The following PLK2 variants were observed in gnomAD, a reference collection of about 807,000 sequenced individuals.
PLK2 encodes polo like kinase 2, also known as serine/threonine-protein kinase PLK2.
A neutral mutation model predicts 78.1 loss-of-function variants in PLK2; 25 were observed. The ratio of observed to expected loss-of-function variants is 0.32; its 90% confidence interval spans 0.23 to 0.45. The LOEUF (loss-of-function observed/expected upper bound fraction) is 0.45, where lower values mean the gene tolerates loss of function less well. PLK2 is among the 20% of genes least tolerant of loss of function. The pLI is 1.00. For missense variants in PLK2, 566 were observed against 840.2 expected, an observed-to-expected ratio of 0.67 and a Z score of 4.04; for synonymous variants, 332 against 298.2, an observed-to-expected ratio of 1.11 and a Z score of -1.17.
chr5:58,455,587 C>T lies in PLK2; in HGVS notation c.1577G>A (p.Gly526Asp). ...GTGAGCACCATTGTTGAAAAGGACACCGACGGTGTGGTCTGAGAGCTGGTA... is the reference window on the plus strand; with the variant it reads ...GTGAGCACCATTGTTGAAAAGGACATCGACGGTGTGGTCTGAGAGCTGGTA... The part of the protein sequence containing the change: ...FGYQLSDHTV[G>D]VLFNNGAHMS... Residue 526 changes from glycine (G) to aspartate (D), a missense_variant, in exon 11 of 14, where the codon GGT becomes GAT. By Grantham distance (94) the Gly-to-Asp change is moderately conservative. Around this residue, in one of 5 missense-constraint regions of PLK2, gnomAD observed 130 missense variants for 196.4 expected, o/e 0.66. Coordinates refer to ENST00000274289, the MANE Select transcript of PLK2 (RefSeq NM_006622.4). The T allele has an allele frequency of 6.2e-7, 1 of 1,614,032 alleles. No homozygotes were observed. The highest frequency in any genetic ancestry group is 8.5e-7 in the Non-Finnish European group (1 of 1,179,942).
At chr5:58,456,184 G>T in intron 9 of PLK2, 29 bp from the exon 10 acceptor site, 1 of 1,595,904 alleles carries the variant, frequency 6.3e-7, no homozygotes, top group Non-Finnish European at 8.5e-7. Flanking sequence ...TATGCAATGA[G>T]TCAAGCATCT....
chr5:58,457,128 C>T (rs1410525439), intron 7 of PLK2, 36 bp from the exon 8 acceptor site: 1 of 1,610,900 alleles, frequency 6.2e-7, no homozygotes, highest in Admixed American at 1.7e-5. Context: ...AGTAACCTGT[C>T]AGGTAACTGG....
intron 5 of PLK2, 120 bp downstream of exon 5, chr5:58,457,959 TTTAAA>T (rs1185217886): frequency 1.2e-5 from 9 of 736,134 alleles, no homozygotes; most frequent in Admixed American, 2.1e-5. Flanking sequence ...TAAGTATTTC[TTTAAA>T]TTAACATTGC....
chr5:58,456,054 A>G lies in PLK2; in HGVS notation c.1356T>C (p.Thr452=). The part of the protein sequence containing the change: ...GDAIRMIVRG[T]LGSCSSSSEC... ...CACTGCTGCTGCTACAGCTGCCAAGAGTCCCTCTGACTATCATCCGAATAG... is the reference window on the plus strand; with the variant it reads ...CACTGCTGCTGCTACAGCTGCCAAGGGTCCCTCTGACTATCATCCGAATAG... The change falls in exon 10 of 14, where the codon ACT becomes ACC. Residue 452 remains threonine (T), a synonymous_variant. Coordinates refer to ENST00000274289, the MANE Select transcript of PLK2 (RefSeq NM_006622.4). 6.2e-7 allele frequency: 1 copy of G among 1,613,634 alleles called. No homozygotes were observed. The highest frequency in any genetic ancestry group is 8.5e-7 in the Non-Finnish European group (1 of 1,179,870).
At chr5:58,457,145 T>A (rs1476101067) in intron 7 of PLK2, 36 bp downstream of exon 7, 3 of 1,610,854 alleles carry the variant, frequency 1.9e-6, no homozygotes, top group Non-Finnish European at 2.5e-6. Context: ...CTGGGATCAA[T>A]ACCAGGTAAT....
intron 1 of PLK2, chr5:58,459,293 AAC>A (rs1743692756): frequency 1.2e-5 from 7 of 593,042 alleles, no homozygotes; most frequent in Non-Finnish European, 2.1e-5. Context: ...AGCAAGTTCA[AAC>A]AGTTTCTCTT....
rs745990568 is a variant in PLK2 at position 58,456,566 on chromosome 5, C to T, written c.1180G>A (p.Asp394Asn). The change falls in exon 9 of 14, where the codon GAC (aspartate) becomes AAC (asparagine). Residue 394 changes from aspartate to asparagine, a missense_variant. Asp to Asn is a conservative substitution (Grantham distance 23, BLOSUM62 1). Around this residue, in one of 5 missense-constraint regions of PLK2, gnomAD observed 129 missense variants for 156.0 expected, o/e 0.83. Transcript: ENST00000274289. Reference sequence around the variant, plus strand: ...AAATCATGCCTAAGCTTGTAGATGTCTTCATCTTCTTTAGACACTCTATCT... The same window carrying T: ...AAATCATGCCTAAGCTTGTAGATGTTTTCATCTTCTTTAGACACTCTATCT... Reference protein sequence around the residue: ...THNRVSKEDEDIYKLRHDLKK... With the variant: ...THNRVSKEDENIYKLRHDLKK... 1 of 1,600,658 alleles carries T rather than the reference C, an allele frequency of 6.2e-7. No individual in the cohort carries two copies.
intron 5 of PLK2, 61 bp from the exon 6 acceptor site, chr5:58,457,644 C>A: frequency 1.1e-6 from 1 of 897,798 alleles, no homozygotes; most frequent in South Asian, 1.4e-5. Context: ...ACTTGGTTCT[C>A]TTGACATGAC....
chr5:58,459,240 T>C, intron 1 of PLK2, 148 bp from the exon 2 acceptor site: 1 of 616,370 alleles, frequency 1.6e-6, no homozygotes, highest in Non-Finnish European at 2.9e-6. Flanking sequence ...GGCATTCGAC[T>C]TCGTTAAAGC....
At chr5:58,458,620 T>C (rs181726264) in intron 3 of PLK2, 92 bp from the exon 4 acceptor site, 430 of 1,378,738 alleles carry the variant, frequency 3.1e-4, no homozygotes, top group Non-Finnish European at 4.0e-4. Context: ...AAAGTTAACT[T>C]TGCAGTGTAA....
In PLK2 at chr5:58,459,558, C is replaced by A. The variant is rs1400061839; in HGVS notation, c.270+132G>T. 8.0e-6 allele frequency: 6 copies of A among 749,320 alleles called. No homozygotes were observed. In the Admixed American group the frequency reaches 1.8e-4, roughly 22 times the overall value. The allele number at this position is 749,320 out of a possible 1,614,324, so 46.4% of individuals were successfully genotyped here. A position where few individuals can be genotyped will look rare whatever the true frequency, so the allele number is the denominator to read the frequency against. On this transcript the variant is annotated intron_variant, in intron 1 of 13. Coordinates refer to ENST00000274289, the MANE Select transcript of PLK2 (RefSeq NM_006622.4). ...AAAGCCAGAGGGCAGGTGAGGAGCC[C>A]ACCTCGCGCTGGGATCGGACCCCCG...
chr5:58,454,626 C>A lies in PLK2; in HGVS notation c.2015G>T (p.Arg672Leu). ...MSGCSSELKNRMEYALNMLLQ... is the reference protein window; with the variant it reads ...MSGCSSELKNLMEYALNMLLQ... ...GAGCATGTTCAGGGCATATTCCATTCGATTTTTTAATTCTGATGAACAGCC... is the reference window on the plus strand; with the variant it reads ...GAGCATGTTCAGGGCATATTCCATTAGATTTTTTAATTCTGATGAACAGCC... The change falls in exon 14 of 14, where the codon CGA (arginine) becomes CTA (leucine). Residue 672 changes from arginine (R) to leucine (L), a missense_variant. Arg to Leu is a moderately radical substitution (Grantham distance 102, BLOSUM62 -2). Around this residue, in one of 5 missense-constraint regions of PLK2, gnomAD observed 130 missense variants for 196.4 expected, o/e 0.66. Transcript: ENST00000274289. 6.2e-7 allele frequency: 1 copy of A among 1,613,886 alleles called. No homozygotes were observed. The highest frequency in any genetic ancestry group is 8.5e-7 in the Non-Finnish European group (1 of 1,179,880).
intron 1 of PLK2, 83 bp downstream of exon 1, chr5:58,459,607 G>A (rs1743701002): frequency 1.6e-6 from 2 of 1,237,920 alleles, no homozygotes; most frequent in Non-Finnish European, 2.2e-6. Flanking sequence ...CGGCGGGCGA[G>A]GGACCCCGCG....
chr5:58,457,633 A>C, intron 5 of PLK2, 50 bp from the exon 6 acceptor site: 1 of 1,044,638 alleles, frequency 9.6e-7, no homozygotes. Context: ...CCACTACTTA[A>C]ACTTGGTTCT....
chr5:58,455,162 C>G lies in PLK2; in HGVS notation c.1755+123G>C, dbSNP rs2111705007. ...TCCCTGCCTCCACCTCCCGGAGATTCTGATTCAGTACACCAACGGTAGGTC... is the reference window on the plus strand; with the variant it reads ...TCCCTGCCTCCACCTCCCGGAGATTGTGATTCAGTACACCAACGGTAGGTC... On this transcript the variant is annotated intron_variant, in intron 12 of 13. Coordinates refer to ENST00000274289, the MANE Select transcript of PLK2 (RefSeq NM_006622.4). 4 of 1,259,656 alleles carry G rather than the reference C, an allele frequency of 3.2e-6. No individual in the cohort carries two copies. In the East Asian group the frequency reaches 9.3e-5, roughly 29 times the overall value. The allele number at this position is 1,259,656 out of a possible 1,614,324, so 78.0% of individuals were successfully genotyped here. A position where few individuals can be genotyped will look rare whatever the true frequency, so the allele number is the denominator to read the frequency against.
rs540203389 is a variant in PLK2 at position 58,457,423 on chromosome 5, C to A, written c.810-44G>T. On this transcript the variant is annotated intron_variant, in intron 6 of 13. Transcript: ENST00000274289. Reference sequence around the variant, plus strand: ...ATCTTTAGCAATGGTCATAAAGCAACTCTTTTCAAGTGTTAAAATCTAAAT... The same window carrying A: ...ATCTTTAGCAATGGTCATAAAGCAAATCTTTTCAAGTGTTAAAATCTAAAT... 3.4e-5 allele frequency: 54 copies of A among 1,580,608 alleles called. 1 individual carries two copies. The South Asian group carries it at 4.2e-4, about 12-fold the overall frequency.
At chr5:58,455,831 AC>A (rs1561215805) in intron 10 of PLK2, 52 bp from the exon 11 acceptor site, 9 of 1,598,658 alleles carry the variant, frequency 5.6e-6, no homozygotes, top group Non-Finnish European at 7.7e-6. Flanking sequence ...TAGCAATAAA[AC>A]CTCAGGCTTT....
chr5:58,455,293 G>A lies in PLK2; in HGVS notation c.1747C>T (p.Leu583Phe). The A allele has an allele frequency of 6.2e-7, 1 of 1,613,924 alleles. No individual in the cohort carries two copies. Among genetic ancestry groups the A allele is most frequent in the Non-Finnish European group, 8.5e-7 (1 of 1,179,886 alleles). The change falls in exon 12 of 14, where the codon CTC becomes TTC. Residue 583 changes from leucine (L) to phenylalanine (F), a missense_variant. This residue lies in a region of PLK2 where 130 missense variants were observed against 196.4 expected (regional missense o/e 0.66). Coordinates refer to ENST00000274289, the MANE Select transcript of PLK2 (RefSeq NM_006622.4). ...KYFSHYMEEN[L>F]MDGGDLPSVT... ...AAAGCCACAGTACTTACATCCATGA[G>A]GTTCTCCTCCATGTAATGAGAAAAG...
Position 58,456,869 on chromosome 5 carries a change from A to G in PLK2, c.1156+76T>C, listed in dbSNP as rs1037682659. On this transcript the variant is annotated intron_variant, in intron 8 of 13. Transcript: ENST00000274289. ...TATGGCCAAGTTATGCTAATATAAA[A>G]TTCTCTTTTAACTAATTTACCAAAT... 8 of 967,638 alleles carry G rather than the reference A, an allele frequency of 8.3e-6. No individual in the cohort carries two copies. The African/African-American group carries it at 1.2e-4, about 14-fold the overall frequency. The allele number at this position is 967,638 out of a possible 1,614,324, so 59.9% of individuals were successfully genotyped here.
Sources: allele counts gnomAD v4.1 joint callset, GRCh38; gene constraint gnomAD v4.1.1; regional missense constraint gnomAD v4.1.1; transcripts MANE v1.5; gene names NCBI Gene and HGNC (gene_info 2026-07-23, HGNC 2026-07-21).